SRGAP1: variants seen among roughly 807,000 people sequenced by gnomAD.
SRGAP1 encodes SLIT-ROBO Rho GTPase-activating protein 1.
A neutral mutation model predicts 121.9 loss-of-function variants in SRGAP1; 43 were observed. The observed-to-expected ratio is 0.35, with a 90% CI of 0.28 to 0.46. The LOEUF (loss-of-function observed/expected upper bound fraction) is 0.46. Ranked by LOEUF, SRGAP1 falls within the 20% of genes least tolerant of loss-of-function variation. The pLI, the probability that SRGAP1 is intolerant of heterozygous loss-of-function variation, is 1.00. For synonymous variants in SRGAP1, 447 were observed against 485.4 expected (o/e 0.92, Z 1.04); for missense variants, 1,102 against 1,350.9 (o/e 0.82, Z 2.89).
chr12:63,995,514 C>T (rs954985352), intron 3 of SRGAP1, among the ~76,000 whole-genome samples: 1 of 152,180 alleles, frequency 6.6e-6, no homozygotes, highest in Non-Finnish European at 1.5e-5. Context: ...GTAGAGATGT[C>T]ACCCAATGCA....
At chr12:64,049,496 G>A (rs2035196827) in intron 6 of SRGAP1, among the ~76,000 whole-genome samples, 1 of 152,182 alleles carries the variant, frequency 6.6e-6, no homozygotes, top group South Asian at 2.1e-4. Context: ...CAGATCTTGT[G>A]AGAACTCATT....
chr12:63,964,117 C>T (rs907866552), intron 1 of SRGAP1, among the ~76,000 whole-genome samples: 8 of 152,032 alleles, frequency 5.3e-5, no homozygotes, highest in Admixed American at 2.0e-4. Context: ...AGCTACCAGC[C>T]GGGTGGCTGT....
At chr12:63,914,569 T>C (rs1009682386) in intron 1 of SRGAP1, among the ~76,000 whole-genome samples, 1 of 152,256 alleles carries the variant, frequency 6.6e-6, no homozygotes, top group African/African-American at 2.4e-5. Flanking sequence ...CATTTTTGTA[T>C]GAATTACTTG....
At chr12:63,921,215 C>G (rs185486990) in intron 1 of SRGAP1, among the ~76,000 whole-genome samples, 1 of 152,216 alleles carries the variant, frequency 6.6e-6, no homozygotes, top group Non-Finnish European at 1.5e-5. Flanking sequence ...CGTGATCACT[C>G]TAATGCCAGC....
intron 1 of SRGAP1, among the ~76,000 whole-genome samples, chr12:63,931,684 A>G (rs74099377): frequency 0.022 from 3,419 of 152,346 alleles, 112 homozygotes; most frequent in African/African-American, 0.077. Flanking sequence ...GAATAAGGCC[A>G]AAAGGCTGTG....
At chr12:64,081,746 T>A (rs2136566428) in intron 10 of SRGAP1, 1 of 151,556 alleles carries the variant, frequency 6.6e-6, no homozygotes, top group African/African-American at 2.4e-5. Context: ...TGCTAAAGTG[T>A]CATGATGTCT....
At chr12:64,043,060 G>T (rs1286985039) in intron 5 of SRGAP1, 88 bp downstream of exon 5, 3 of 886,056 alleles carry the variant, frequency 3.4e-6, no homozygotes, top group Non-Finnish European at 3.5e-6. Flanking sequence ...TCCACACATT[G>T]TAAGTTATTG....
chr12:63,881,536 C>T (rs938355428), intron 1 of SRGAP1, among the ~76,000 whole-genome samples: 11 of 152,172 alleles, frequency 7.2e-5, no homozygotes, highest in Admixed American at 2.0e-4. Context: ...AAGTTACCGT[C>T]TTTGAGCCTC....
intron 3 of SRGAP1, among the ~76,000 whole-genome samples, chr12:63,993,551 C>T (rs969671607): frequency 6.6e-6 from 1 of 152,154 alleles, no homozygotes; most frequent in African/African-American, 2.4e-5. Context: ...TCAATAATGT[C>T]CCCATGTCTG....
At chr12:64,127,780 G>A in intron 20 of SRGAP1, 56 bp downstream of exon 20, 1 of 1,604,444 alleles carries the variant, frequency 6.2e-7, no homozygotes, top group South Asian at 1.1e-5. Context: ...GGGGCCATGA[G>A]GAGCCACTGC....
chr12:63,868,350 TG>T (rs898431578), intron 1 of SRGAP1, among the ~76,000 whole-genome samples: 7 of 152,040 alleles, frequency 4.6e-5, no homozygotes, highest in Non-Finnish European at 8.8e-5. Flanking sequence ...CCCAAAGTGT[TG>T]GGCTTACAGG....
At chr12:63,855,554 C>T (rs527482033) in intron 1 of SRGAP1, among the ~76,000 whole-genome samples, 18 of 120,700 alleles carry the variant, frequency 1.5e-4, no homozygotes, top group Middle Eastern at 0.017. Context: ...GTGGCACCAT[C>T]TCTATGGCTC....
intron 15 of SRGAP1, among the ~76,000 whole-genome samples, chr12:64,101,672 T>TACCC (rs1210913068): frequency 6.6e-6 from 1 of 152,130 alleles, no homozygotes; most frequent in African/African-American, 2.4e-5. Flanking sequence ...CTCCAGGTCA[T>TACCC]ACCCACAAAG....
intron 21 of SRGAP1, among the ~76,000 whole-genome samples, chr12:64,133,307 G>C (rs1319964845): frequency 6.6e-6 from 1 of 152,196 alleles, no homozygotes; most frequent in East Asian, 1.9e-4. Context: ...CAATGTGGGG[G>C]TTCTGCCAGC....
Position 64,095,215 on chromosome 12 carries a change from G to T in SRGAP1, c.1678+11G>T, listed in dbSNP as rs193260396. ...ATTCATTTGAGAGAGGTAATTGCAC[G>T]TCTATCCCTATAAGCAAACCACGTT... On this transcript the variant is annotated intron_variant, in intron 14 of 21. Coordinates refer to ENST00000355086, the MANE Select transcript of SRGAP1 (RefSeq NM_020762.4). The T allele has an allele frequency of 1.2e-6, 2 of 1,611,882 alleles. No individual in the cohort carries two copies. Among genetic ancestry groups the T allele is most frequent in the Non-Finnish European group, 1.7e-6 (2 of 1,178,666 alleles).
At chr12:63,864,631 G>T (rs1899562237) in intron 1 of SRGAP1, among the ~76,000 whole-genome samples, 1 of 152,120 alleles carries the variant, frequency 6.6e-6, no homozygotes, top group South Asian at 2.1e-4. Context: ...CTGTCACATA[G>T]AATGCTCAAA....
intron 11 of SRGAP1, among the ~76,000 whole-genome samples, chr12:64,090,299 C>T (rs2036026180): frequency 1.3e-5 from 2 of 152,152 alleles, no homozygotes; most frequent in African/African-American, 4.8e-5. Context: ...TTCACCAGAG[C>T]AAATGGGCAG....
chr12:63,871,775 T>A, intron 1 of SRGAP1: 1 of 1,260,686 alleles, frequency 7.9e-7, no homozygotes, highest in Admixed American at 1.7e-5. Context: ...TTTTCTTATA[T>A]CCTCCCAGTT....
At chr12:64,052,054 T>C (rs922691968) in intron 6 of SRGAP1, among the ~76,000 whole-genome samples, 1 of 152,214 alleles carries the variant, frequency 6.6e-6, no homozygotes, top group Non-Finnish European at 1.5e-5. Context: ...TTTATTGATA[T>C]TGATGGTAAT....
Sources: gnomAD v4.1 joint callset for allele counts (sites outside exome capture counted in the v4.1 genomes callset) on GRCh38, gnomAD v4.1.1 for gene constraint, MANE v1.5 for transcripts, NCBI Gene and HGNC (gene_info 2026-07-23, HGNC 2026-07-21) for gene names.